Variants in CPNE5 observed in about 807,000 individuals in gnomAD.
CPNE5 encodes the protein copine 5, also known as copine-5.
CPNE5 carries 42 observed loss-of-function variants against 81.1 expected under a neutral mutation model. That is an observed-to-expected ratio of 0.52 (90% confidence interval 0.40 to 0.67). The LOEUF (loss-of-function observed/expected upper bound fraction) is 0.67, where lower values mean the gene tolerates loss of function less well. Among genes scored for constraint, CPNE5 ranks in the 30% least tolerant of loss-of-function variants. The probability of loss-of-function intolerance (pLI) is 0.00; values close to 1 mark genes in which losing one functional copy is unlikely to be tolerated. For synonymous variants in CPNE5, 313 were observed against 321.5 expected (o/e 0.97, Z 0.28); for missense variants, 612 against 815.5 (o/e 0.75, Z 3.04).
intron 10 of CPNE5, among the ~76,000 whole-genome samples, chr6:36,767,995 G>A (rs1484561089): frequency 2.0e-5 from 3 of 152,124 alleles, no homozygotes; most frequent in African/African-American, 7.2e-5. Flanking sequence ...AAGCTCCCCA[G>A]GGGGATTTGA....
intron 11 of CPNE5, 74 bp downstream of exon 11, chr6:36,765,261 G>T: frequency 3.3e-6 from 5 of 1,535,366 alleles, no homozygotes; most frequent in South Asian, 1.1e-5. Flanking sequence ...TCACAGCTCC[G>T]CATGGGAGGG....
chr6:36,820,373 G>A (rs902942971), intron 3 of CPNE5, among the ~76,000 whole-genome samples: 3 of 122,726 alleles, frequency 2.4e-5, no homozygotes, highest in African/African-American at 9.4e-5. Context: ...ATGGAGTCTC[G>A]CTCTGTCGCC....
At chr6:36,818,022 G>T (rs569284802) in intron 3 of CPNE5, among the ~76,000 whole-genome samples, 1 of 151,870 alleles carries the variant, frequency 6.6e-6, no homozygotes, top group Non-Finnish European at 1.5e-5. Flanking sequence ...TTATGTCTTC[G>T]CACGTCACTG....
chr6:36,839,857 G>A (rs74921040), upstream of CPNE5: 22,450 of 150,964 alleles, frequency 0.15, 2,030 homozygotes, highest in African/African-American at 0.25. The surrounding 1 kb of genome is among the most constrained non-coding windows in gnomAD (Gnocchi z 7.3). Context: ...CGCCGGCAGC[G>A]CGGAGCCCGA....
At position 36,801,813 on chromosome 6, in the gene CPNE5, G is replaced by T. The variant is rs369361785; in HGVS notation, c.184-1743C>A. ...ACCAGGGGCAGGGTGGAGGGGTATA[G>T]GGGGAGTTGTTTATGGGTATAGGGT... On this transcript the variant is annotated intron_variant, in intron 3 of 20. Coordinates refer to ENST00000244751, the MANE Select transcript of CPNE5 (RefSeq NM_020939.2). 3.3e-5 allele frequency among the ~76,000 whole-genome samples: 5 copies of T among 152,188 alleles called. No individual in the cohort carries two copies. In the East Asian group the frequency reaches 9.6e-4, roughly 29 times the overall value.
chr6:36,817,095 G>C (rs1022118460), intron 3 of CPNE5, among the ~76,000 whole-genome samples: 8 of 152,224 alleles, frequency 5.3e-5, no homozygotes, highest in African/African-American at 1.4e-4. Context: ...GGAGGCTGAG[G>C]CGGATGGATC....
At chr6:36,822,976 G>C (rs1464953058) in intron 2 of CPNE5, 82 bp downstream of exon 2, 2 of 1,242,680 alleles carry the variant, frequency 1.6e-6, no homozygotes, top group Non-Finnish European at 2.2e-6. Flanking sequence ...TTAGTGCTCA[G>C]TAAGGGCTCA....
At chr6:36,804,544 T>G (rs192549908) in intron 3 of CPNE5, among the ~76,000 whole-genome samples, 1 of 152,274 alleles carries the variant, frequency 6.6e-6, no homozygotes, top group African/African-American at 2.4e-5. Flanking sequence ...CTTACTTCCT[T>G]TCTCTCACTA....
chr6:36,821,553 G>C (rs1026915923), intron 3 of CPNE5, among the ~76,000 whole-genome samples: 4 of 151,418 alleles, frequency 2.6e-5, no homozygotes, highest in African/African-American at 9.7e-5. Flanking sequence ...GGGACAAAAG[G>C]CACATGGAGT....
At chr6:36,760,944 G>C (rs1765965377) in intron 12 of CPNE5, among the ~76,000 whole-genome samples, 1 of 152,242 alleles carries the variant, frequency 6.6e-6, no homozygotes, top group Non-Finnish European at 1.5e-5. Flanking sequence ...TCCTTTTTCA[G>C]CTGATGGCCT....
intron 3 of CPNE5, among the ~76,000 whole-genome samples, chr6:36,816,926 G>A (rs1396937054): frequency 6.6e-6 from 1 of 152,180 alleles, no homozygotes; most frequent in East Asian, 1.9e-4. Flanking sequence ...CCACAGGTGT[G>A]GGTCACCATG....
At position 36,766,249 on chromosome 6, in the gene CPNE5, C is replaced by G. The variant is rs987242525; in HGVS notation, c.738-873G>C. Among the ~76,000 whole-genome samples, 2 of 152,172 alleles carry G rather than the reference C, an allele frequency of 1.3e-5. No homozygotes were observed. The highest frequency in any genetic ancestry group is 4.8e-5 in the African/African-American group (2 of 41,436). On this transcript the variant is annotated intron_variant, in intron 10 of 20. Transcript: ENST00000244751. The surrounding 1 kb of genome is among the most constrained non-coding windows in gnomAD (Gnocchi z 4.2). ...CAGAGAGGCAGCTCCCCGGGCCTAT[C>G]TTTGTTAACATCCCATCATCTCGCC... is the stretch of plus-strand genomic sequence containing the variant.
chr6:36,743,717 C>A lies in CPNE5; in HGVS notation c.1535G>T (p.Gly512Val), dbSNP rs776054631. The change falls in exon 20 of 21, where the codon GGG becomes GTG. Residue 512 changes from glycine to valine, a missense_variant. By Grantham distance (109) the Gly-to-Val change is moderately radical. Transcript: ENST00000244751. ...DGDDVRISSR[G>V]KLAERDIVQF... ...GACGATGTCGCGTTCAGCCAGCTTC[C>A]CCCGGGAGGAGATCCGCACGTCGTC... is the stretch of plus-strand genomic sequence containing the variant. 10 of 1,613,336 alleles carry A rather than the reference C, an allele frequency of 6.2e-6. No homozygotes were observed. In the South Asian group the frequency reaches 1.1e-4, roughly 18 times the overall value.
At position 36,839,429 on chromosome 6, in the gene CPNE5, C is replaced by A. The variant is rs1003721907; in HGVS notation, c.-52G>T. ...TAGTCAATCCCTGCGCGATTCACGC[C>A]TCCTCCGGAGCGACTGGAGCCCTGG... is the stretch of plus-strand genomic sequence containing the variant. On this transcript the variant is annotated 5_prime_UTR_variant, in exon 1 of 21. In the 5' UTR this introduces an upstream ATG that the reference lacks. Coordinates refer to ENST00000244751, the MANE Select transcript of CPNE5 (RefSeq NM_020939.2). This position sits in a 1 kb window ranked among gnomAD's most constrained non-coding sequence, Gnocchi z 7.3. The A allele has an allele frequency of 6.9e-7, 1 of 1,452,256 alleles. No individual in the cohort carries two copies. Among genetic ancestry groups the A allele is most frequent in the Non-Finnish European group, 9.3e-7 (1 of 1,071,174 alleles). The allele number at this position is 1,452,256 out of a possible 1,614,324, so 90.0% of individuals were successfully genotyped here. A position where few individuals can be genotyped will look rare whatever the true frequency, so the allele number is the denominator to read the frequency against.
In CPNE5 at chr6:36,801,579, G is replaced by A. The variant is rs114656038; in HGVS notation, c.184-1509C>T. 5.5e-3 allele frequency among the ~76,000 whole-genome samples: 840 copies of A among 152,282 alleles called. 1 individual carries two copies. The highest frequency in any genetic ancestry group is 0.014 in the Middle Eastern group (4 of 294). On this transcript the variant is annotated intron_variant, in intron 3 of 20. Coordinates refer to ENST00000244751, the MANE Select transcript of CPNE5 (RefSeq NM_020939.2). ...CAAAAAAGGGGTGAGGGGCTAAGAG[G>A]TGAAGTTTAAACCCACTGCATTTAC... is the stretch of plus-strand genomic sequence containing the variant.
At chr6:36,811,606 T>C (rs1276707584) in intron 3 of CPNE5, among the ~76,000 whole-genome samples, 4 of 152,200 alleles carry the variant, frequency 2.6e-5, no homozygotes, top group Admixed American at 1.3e-4. Context: ...CAAATAGATC[T>C]ATCAGCCACC....
chr6:36,773,713 G>A (rs543486936), intron 10 of CPNE5, among the ~76,000 whole-genome samples: 2 of 152,272 alleles, frequency 1.3e-5, no homozygotes, highest in African/African-American at 4.8e-5. Flanking sequence ...GCTCAGACAG[G>A]TCAAGGATTG....
chr6:36,768,225 C>CTTTTTTTCTTTTTTTTTTTTTTTT lies in CPNE5; in HGVS notation c.738-2850_738-2849insAAAAAAAAAAAAAAAAGAAAAAAA, dbSNP rs527797208. Among the ~76,000 whole-genome samples, 219 of 60,512 alleles carry CTTTTTTTCTTTTTTTTTTTTTTTT rather than the reference C, an allele frequency of 3.6e-3. 54 individuals are homozygous for CTTTTTTTCTTTTTTTTTTTTTTTT. The highest frequency in any genetic ancestry group is 5.0e-3 in the Admixed American group (22 of 4,438). 39.7% of individuals were successfully genotyped at this position (60,512 alleles called of 152,430 possible). A position where few individuals can be genotyped will look rare whatever the true frequency, so the allele number is the denominator to read the frequency against. On this transcript the variant is annotated intron_variant, in intron 10 of 20. Transcript: ENST00000244751. ...GGCTTTGACTACTCTATTCACAGTTCTTTTTTTTTTTTTTTTTTTTTTTTT... is the reference window on the plus strand; with the variant it reads ...GGCTTTGACTACTCTATTCACAGTTCTTTTTTTCTTTTTTTTTTTTTTTTTTTTTTTTTTTTTTTTTTTTTTTTT...
Position 36,746,495 on chromosome 6 carries a change from T to C in CPNE5, c.1101A>G (p.Gly367=), listed in dbSNP as rs1192751996. The change falls in exon 16 of 21, where the codon GGA becomes GGG. Residue 367 remains glycine (G), a synonymous_variant. Coordinates refer to ENST00000244751, the MANE Select transcript of CPNE5 (RefSeq NM_020939.2). This position sits in a 1 kb window ranked among gnomAD's most constrained non-coding sequence, Gnocchi z 4.5. ...NAYALALTAV[G]EIIQHYDSDK... ...CACTGTCGTAGTGCTGGATGATCTC[T>C]CCGACGGCAGTCAGCGCCAGCGCGT... The C allele has an allele frequency of 6.2e-7, 1 of 1,613,776 alleles. No homozygotes were observed. Among genetic ancestry groups the C allele is most frequent in the East Asian group, 2.2e-5 (1 of 44,876 alleles).
Sources: gnomAD v4.1 joint callset for allele counts (sites outside exome capture counted in the v4.1 genomes callset) on GRCh38, gnomAD v4.1.1 for gene constraint, Gnocchi (gnomAD v3.1) non-coding constraint, MANE v1.5 for transcripts, NCBI Gene and HGNC (gene_info 2026-07-23, HGNC 2026-07-21) for gene names.